Variants in SLC1A6 observed in about 807,000 individuals in gnomAD.
SLC1A6 encodes the protein solute carrier family 1 member 6.
In SLC1A6, 15 loss-of-function variants were observed where a neutral mutation model predicts 42.1. The observed-to-expected ratio is 0.36, with a 90% CI of 0.24 to 0.55. SLC1A6 has a LOEUF of 0.55. SLC1A6 is among the 20% of genes least tolerant of loss of function. The pLI, the probability that SLC1A6 is intolerant of heterozygous loss-of-function variation, is 0.88. For missense variants in SLC1A6, 542 were observed against 772.5 expected (o/e 0.70, Z 3.54); for synonymous variants, 317 against 319.7 (o/e 0.99, Z 0.09).
rs1433958278 is a variant in SLC1A6 at position 15,010,252 on chromosome 19, G to A, written c.6+233C>T. On this transcript the variant is annotated intron_variant, in intron 1 of 8. Coordinates refer to the SLC1A6 transcript ENST00000430939. ...GAAAAGAAAAGAAAAGAAAACGTAA[G>A]ACTAAAAAAGCTACTTTTGGGTAGT... Among the ~76,000 whole-genome samples, 4 of 147,474 alleles carry A rather than the reference G, an allele frequency of 2.7e-5. No individual in the cohort carries two copies. In the South Asian group the frequency reaches 8.8e-4, roughly 33 times the overall value.
intron 1 of SLC1A6, among the ~76,000 whole-genome samples, chr19:14,996,954 G>A (rs998656491): frequency 5.9e-5 from 9 of 152,204 alleles, no homozygotes; most frequent in African/African-American, 2.2e-4. Flanking sequence ...CTGGTGGGGT[G>A]TGAAAGGAAA....
intron 1 of SLC1A6, among the ~76,000 whole-genome samples, chr19:15,008,220 C>T (rs574690013): frequency 1.4e-4 from 21 of 152,060 alleles, no homozygotes; most frequent in African/African-American, 5.1e-4. Flanking sequence ...TGGCGTGCGC[C>T]TATAGTCCTC....
At chr19:14,970,364 C>T (rs930575082) in intron 3 of SLC1A6, among the ~76,000 whole-genome samples, 8 of 152,266 alleles carry the variant, frequency 5.3e-5, no homozygotes, top group Non-Finnish European at 1.0e-4. Context: ...AGTCACCTCA[C>T]CTGGCCTGAT....
chr19:14,999,379 C>T (rs1467982308), intron 1 of SLC1A6, among the ~76,000 whole-genome samples: 1 of 152,194 alleles, frequency 6.6e-6, no homozygotes, highest in Admixed American at 6.6e-5. Context: ...CCCCCAACTC[C>T]TACCCACCTC....
chr19:14,971,534 G>T (rs953713933), intron 3 of SLC1A6, among the ~76,000 whole-genome samples: 4 of 152,202 alleles, frequency 2.6e-5, no homozygotes, highest in African/African-American at 7.2e-5. Flanking sequence ...GAGATGAGTG[G>T]TGTGGGGTCA....
intron 8 of SLC1A6, 85 bp from the exon 9 acceptor site, chr19:14,953,147 G>C: frequency 1.9e-6 from 2 of 1,027,022 alleles, no homozygotes; most frequent in South Asian, 1.5e-5. Flanking sequence ...GAGAAGGGAA[G>C]AGATCAGCTC....
chr19:14,999,201 C>T (rs1020874038), intron 1 of SLC1A6, among the ~76,000 whole-genome samples: 1 of 152,178 alleles, frequency 6.6e-6, no homozygotes, highest in African/African-American at 2.4e-5. Context: ...AATCTACTCT[C>T]TCTGAAGCCT....
At chr19:14,975,678 A>C (rs1408347221) in intron 1 of SLC1A6, among the ~76,000 whole-genome samples, 1 of 150,918 alleles carries the variant, frequency 6.6e-6, no homozygotes. Context: ...CTTTGAACCC[A>C]GGAGGCAGAG....
intron 1 of SLC1A6, among the ~76,000 whole-genome samples, chr19:15,008,090 T>A (rs2045905279): frequency 6.7e-6 from 1 of 150,148 alleles, no homozygotes; most frequent in Non-Finnish European, 1.5e-5. Context: ...AGGCTTATAA[T>A]CTCACCATTT....
intron 1 of SLC1A6, among the ~76,000 whole-genome samples, chr19:15,005,351 TA>T (rs2045891231): frequency 6.8e-6 from 1 of 146,824 alleles, no homozygotes; most frequent in Non-Finnish European, 1.5e-5. Context: ...CTACTAAAAA[TA>T]CAAAAAATTA....
chr19:14,965,879 G>A (rs1390851637), intron 4 of SLC1A6, among the ~76,000 whole-genome samples: 2 of 150,690 alleles, frequency 1.3e-5, no homozygotes, highest in Non-Finnish European at 3.0e-5. Context: ...AAGAAATAAT[G>A]TCTTTGGCAT....
chr19:14,963,544 ACAT>A (rs1417080977), intron 5 of SLC1A6, among the ~76,000 whole-genome samples: 1 of 152,236 alleles, frequency 6.6e-6, no homozygotes, highest in African/African-American at 2.4e-5. Flanking sequence ...ATATTTCAAA[ACAT>A]CATCATACCT....
intron 4 of SLC1A6, among the ~76,000 whole-genome samples, chr19:14,965,141 T>G (rs751454825): frequency 6.6e-5 from 10 of 151,860 alleles, no homozygotes; most frequent in Non-Finnish European, 1.0e-4. Flanking sequence ...TGCCTCAGCC[T>G]CCCAAGTAGC....
intron 1 of SLC1A6, among the ~76,000 whole-genome samples, chr19:15,000,447 A>G (rs995799094): frequency 1.3e-5 from 2 of 152,182 alleles, no homozygotes; most frequent in African/African-American, 2.4e-5. Flanking sequence ...CCTTCCACAT[A>G]TAAGTGAGAA....
intron 1 of SLC1A6, among the ~76,000 whole-genome samples, chr19:14,976,574 C>T (rs1312360193): frequency 5.3e-5 from 8 of 152,046 alleles, no homozygotes; most frequent in Non-Finnish European, 1.0e-4. Context: ...TTAGTAGAGA[C>T]GGGGTTTCAC....
rs1432135285 is a variant in SLC1A6, at chr19:14,961,902, T to C, written c.935+100A>G. The stretch of plus-strand genomic sequence containing the variant: ...GTAAGTGAATCACCCAATACGTAAA[T>C]GAATGACCAAAAGTCCCCAGCAAGC... On this transcript the variant is annotated intron_variant, in intron 6 of 9. Transcript: ENST00000594383. 6 of 1,496,770 alleles carry C rather than the reference T, an allele frequency of 4.0e-6. No homozygotes were observed. The Admixed American group carries it at 1.1e-4, about 28-fold the overall frequency. The allele number at this position is 1,496,770 out of a possible 1,614,324, so 92.7% of individuals were successfully genotyped here.
At chr19:14,993,039 G>A (rs1180154874) in intron 1 of SLC1A6, among the ~76,000 whole-genome samples, 2 of 152,164 alleles carry the variant, frequency 1.3e-5, no homozygotes, top group Admixed American at 6.6e-5. Flanking sequence ...GGGAGCAGAG[G>A]AGGTGGGAGG....
At chr19:15,008,557 G>C (rs760613497) in intron 1 of SLC1A6, among the ~76,000 whole-genome samples, 20 of 152,030 alleles carry the variant, frequency 1.3e-4, no homozygotes, top group Non-Finnish European at 1.5e-4. Flanking sequence ...CCACTGCTGA[G>C]TATATACCTA....
At position 14,997,219 on chromosome 19, in the gene SLC1A6, C is replaced by A. The variant is rs542244803; in HGVS notation, c.6+13266G>T. ...AATCAGAAACTCAAAAGAATGCAAC[C>A]ATTTGTCTCTTACCTACCTATGACC... On this transcript the variant is annotated intron_variant, in intron 1 of 8. Coordinates refer to the SLC1A6 transcript ENST00000430939. Among the ~76,000 whole-genome samples the A allele has an allele frequency of 2.2e-4, 33 of 152,218 alleles. 1 individual carries two copies. In the South Asian group the frequency reaches 4.6e-3, roughly 21 times the overall value.
Sources: gnomAD v4.1 joint callset for allele counts (sites outside exome capture counted in the v4.1 genomes callset) on GRCh38, gnomAD v4.1.1 for gene constraint, MANE v1.5 for transcripts, NCBI Gene and HGNC (gene_info 2026-07-23, HGNC 2026-07-21) for gene names.